The following AMMECR1 variants were observed in gnomAD, a reference collection of about 807,000 sequenced individuals.
The protein encoded by AMMECR1 is nuclear protein AMMECR1.
AMMECR1 carries 3 observed loss-of-function variants against 22.5 expected under a neutral mutation model. The ratio of observed to expected loss-of-function variants is 0.13; its 90% confidence interval spans 0.06 to 0.35. The LOEUF (loss-of-function observed/expected upper bound fraction) is 0.35. Among genes scored for constraint, AMMECR1 ranks in the 10% least tolerant of loss-of-function variants. AMMECR1 has a pLI of 1.00. For synonymous variants in AMMECR1, 130 were observed against 116.7 expected (o/e 1.11, Z -0.74); for missense variants, 235 against 278.7 (o/e 0.84, Z 1.12).
At chrX:110,410,414 CT>C (rs1443181056) in intron 2 of AMMECR1, among the ~76,000 whole-genome samples, 1 of 112,153 alleles carries the variant, frequency 8.9e-6, no homozygotes, top group African/African-American at 3.2e-5. Flanking sequence ...ACAAGAGGAA[CT>C]CGCCAATATC....
At chrX:110,320,856 A>C (rs1569406383), upstream of AMMECR1, among the ~76,000 whole-genome samples, 1 of 112,388 alleles carries the variant, frequency 8.9e-6, no homozygotes, top group Non-Finnish European at 1.9e-5. Flanking sequence ...GTTATTATCT[A>C]AGTACTTTGT....
chrX:110,338,418 T>C lies in AMMECR1; in HGVS notation c.-147-20569A>G, dbSNP rs887850176. ...AAGCCAGGGTGGGAGAGACCTTTCATTGGGTGTGACCCTTCATTTCCAGTT... is the reference window on the plus strand; with the variant it reads ...AAGCCAGGGTGGGAGAGACCTTTCACTGGGTGTGACCCTTCATTTCCAGTT... On this transcript the variant is annotated intron_variant, in intron 2 of 7. Transcript: ENST00000372057. Among the ~76,000 whole-genome samples the C allele has an allele frequency of 1.3e-4, 15 of 111,961 alleles. No individual in the cohort carries two copies. In the South Asian group the frequency reaches 2.6e-3, roughly 20 times the overall value.
intron 2 of AMMECR1, among the ~76,000 whole-genome samples, chrX:110,400,768 T>C (rs1432903392): frequency 8.9e-6 from 1 of 111,974 alleles, no homozygotes; most frequent in East Asian, 2.8e-4. Flanking sequence ...CAAGAGTTTG[T>C]TGGATCTTTG....
chrX:110,348,357 C>T (rs1328821849), intron 2 of AMMECR1, among the ~76,000 whole-genome samples: 1 of 112,138 alleles, frequency 8.9e-6, no homozygotes, highest in Admixed American at 9.5e-5. Flanking sequence ...TCCTTCTGAC[C>T]TATCTAAAGA....
At chrX:110,388,243 C>T (rs1018255708) in intron 2 of AMMECR1, among the ~76,000 whole-genome samples, 13 of 111,783 alleles carry the variant, frequency 1.2e-4, no homozygotes, top group African/African-American at 4.2e-4. Flanking sequence ...TATGAAAGCC[C>T]ATGACGTGGA....
At chrX:110,346,332 G>A (rs1227914099) in intron 2 of AMMECR1, among the ~76,000 whole-genome samples, 2 of 111,894 alleles carry the variant, frequency 1.8e-5, no homozygotes, top group Non-Finnish European at 3.8e-5. Flanking sequence ...ATTCAAAAAG[G>A]AACTACAAAT....
In AMMECR1 at chrX:110,267,315, G is replaced by A. The variant is rs192365529; in HGVS notation, c.474-2716C>T. Among the ~76,000 whole-genome samples the A allele has an allele frequency of 9.4e-3, 1,029 of 109,843 alleles. 13 individuals carry two copies. The highest frequency in any genetic ancestry group is 0.032 in the African/African-American group (959 of 30,159). The stretch of plus-strand genomic sequence containing the variant: ...TTTACACTCCCAACAATGTAAAAGC[G>A]TTCCTATTTCTCCACATCCTCTCCA... On this transcript the variant is annotated intron_variant, in intron 1 of 5. Coordinates refer to ENST00000262844, the MANE Select transcript of AMMECR1 (RefSeq NM_015365.3).
chrX:110,264,742 T>C lies in AMMECR1; in HGVS notation c.474-143A>G, dbSNP rs938287305. On this transcript the variant is annotated intron_variant, in intron 1 of 5. Coordinates refer to ENST00000262844, the MANE Select transcript of AMMECR1 (RefSeq NM_015365.3). Reference sequence around the variant, plus strand: ...TCAAGGGGCTCACAGGCCAGCCCAATAGGACTACATTTAGCAAAAGTTATA... The same window carrying C: ...TCAAGGGGCTCACAGGCCAGCCCAACAGGACTACATTTAGCAAAAGTTATA... 13 of 397,991 alleles carry C rather than the reference T, an allele frequency of 3.3e-5. No homozygotes were observed. The East Asian group carries it at 3.3e-4, about 10-fold the overall frequency. 32.8% of individuals were successfully genotyped at this position (397,991 alleles called of 1,213,427 possible).
chrX:110,384,339 T>C, intron 2 of AMMECR1, among the ~76,000 whole-genome samples: 1 of 111,029 alleles, frequency 9.0e-6, no homozygotes, highest in East Asian at 2.8e-4. Flanking sequence ...CTGCTCATAA[T>C]TGTTGTATGA....
chrX:110,329,847 C>T (rs2068113492), intron 2 of AMMECR1, among the ~76,000 whole-genome samples: 1 of 111,663 alleles, frequency 9.0e-6, no homozygotes, highest in African/African-American at 3.3e-5. Context: ...TACCTTCAGG[C>T]TATGTGTTTA....
chrX:110,422,570 A>G (rs1442353853), intron 2 of AMMECR1, among the ~76,000 whole-genome samples: 2 of 112,790 alleles, frequency 1.8e-5, no homozygotes, highest in Non-Finnish European at 3.7e-5. Flanking sequence ...GCTTACAAAG[A>G]ACACAAAGTG....
chrX:110,208,119 A>G (rs1416699503), intron 3 of AMMECR1, among the ~76,000 whole-genome samples: 1 of 112,497 alleles, frequency 8.9e-6, no homozygotes, highest in African/African-American at 3.2e-5. Flanking sequence ...GAACCAACTG[A>G]GATACCACCA....
chrX:110,273,607 T>C (rs1469272891), intron 1 of AMMECR1, among the ~76,000 whole-genome samples: 2 of 112,395 alleles, frequency 1.8e-5, no homozygotes, highest in Non-Finnish European at 3.8e-5. Context: ...AGGATTATTA[T>C]AGTTTCAGGT....
chrX:110,290,169 C>T (rs1266647338), intron 1 of AMMECR1, among the ~76,000 whole-genome samples: 1 of 111,810 alleles, frequency 8.9e-6, no homozygotes, highest in Non-Finnish European at 1.9e-5. Context: ...AATGCTTTCC[C>T]AGTAACAGTC....
chrX:110,427,732 A>C (rs758648496), intron 1 of AMMECR1, among the ~76,000 whole-genome samples: 1 of 112,333 alleles, frequency 8.9e-6, no homozygotes, highest in Non-Finnish European at 1.9e-5. Context: ...TTGGCATTTA[A>C]GGTCTATCTC....
intron 2 of AMMECR1, among the ~76,000 whole-genome samples, chrX:110,387,855 C>G (rs1402779528): frequency 1.0e-5 from 1 of 99,054 alleles, no homozygotes; most frequent in Non-Finnish European, 2.0e-5. Context: ...ATCTCCCTCT[C>G]TCTTTTTTTT....
intron 2 of AMMECR1, among the ~76,000 whole-genome samples, chrX:110,262,275 A>C (rs1197911849): frequency 8.9e-6 from 1 of 112,318 alleles, no homozygotes; most frequent in East Asian, 2.8e-4. Flanking sequence ...AAATTAAGCC[A>C]AACAAAAATG....
intron 2 of AMMECR1, among the ~76,000 whole-genome samples, chrX:110,398,119 C>G (rs1433694510): frequency 8.9e-6 from 1 of 112,136 alleles, no homozygotes; most frequent in African/African-American, 3.2e-5. Context: ...TGCTTTCTGG[C>G]AATGTGTGAT....
intron 1 of AMMECR1, among the ~76,000 whole-genome samples, chrX:110,290,697 C>T (rs1245743103): frequency 3.6e-5 from 4 of 110,971 alleles, no homozygotes; most frequent in African/African-American, 1.3e-4. Flanking sequence ...CAATGGCATA[C>T]AGAAGTTAAG....
Sources: allele counts gnomAD v4.1 joint callset (sites outside exome capture counted in the v4.1 genomes callset), GRCh38; gene constraint gnomAD v4.1.1; transcripts MANE v1.5; gene names NCBI Gene and HGNC (gene_info 2026-07-23, HGNC 2026-07-21).